Variants in IL1RAPL1 observed in about 807,000 individuals in gnomAD.
IL1RAPL1 encodes the protein interleukin 1 receptor accessory protein like 1, also known as interleukin-1 receptor accessory protein-like 1.
Under a neutral mutation model 48.4 loss-of-function variants are expected in IL1RAPL1, and 3 were observed. The ratio of observed to expected loss-of-function variants is 0.06; its 90% CI spans 0.03 to 0.16. The LOEUF is 0.16. Among genes scored for constraint, IL1RAPL1 ranks in the 10% least tolerant of loss-of-function variants. The probability of loss-of-function intolerance (pLI) is 1.00; values close to 1 mark genes in which losing one functional copy is unlikely to be tolerated. For synonymous variants in IL1RAPL1, 185 were observed against 187.7 expected, an observed-to-expected ratio of 0.99 and a Z score of 0.12; for missense variants, 349 against 530.6, an observed-to-expected ratio of 0.66 and a Z score of 3.36.
chrX:28,699,697 G>C (rs1172355911), intron 1 of IL1RAPL1, among the ~76,000 whole-genome samples: 1 of 111,744 alleles, frequency 8.9e-6, no homozygotes. Context: ...AGAAGGGCTT[G>C]AGTAGTCTTG....
intron 5 of IL1RAPL1, among the ~76,000 whole-genome samples, chrX:29,518,282 C>T (rs138974727): frequency 9.0e-5 from 10 of 110,879 alleles, no homozygotes; most frequent in South Asian, 3.8e-4. Context: ...TTTTAATGTG[C>T]ATGTGAGTCA....
rs1170059613 is a variant in IL1RAPL1 at position 29,803,660 on chromosome X, T to C, written c.779-113804T>C. Among the ~76,000 whole-genome samples the C allele has an allele frequency of 1.9e-4, 20 of 105,208 alleles. 1 individual carries two copies. Among genetic ancestry groups the C allele is most frequent in the Non-Finnish European group, 3.3e-4 (17 of 51,173 alleles). 91.4% of individuals were successfully genotyped at this position (105,208 alleles called of 115,157 possible). On this transcript the variant is annotated intron_variant, in intron 6 of 10. Transcript: ENST00000378993. ...ATATATATACACGCGTGTATATATA[T>C]ACACACACACAATTTATGTGCATGA... is the stretch of plus-strand genomic sequence containing the variant.
chrX:28,886,619 G>A (rs952687739), intron 2 of IL1RAPL1, among the ~76,000 whole-genome samples: 2 of 110,604 alleles, frequency 1.8e-5, no homozygotes, highest in Non-Finnish European at 3.8e-5. Context: ...CTTAGTTTAC[G>A]AATGTTTATG....
In IL1RAPL1 at chrX:29,188,872, C is replaced by G. The variant is rs1930303428; in HGVS notation, c.83-94066C>G. Among the ~76,000 whole-genome samples the G allele has an allele frequency of 2.7e-5, 3 of 111,230 alleles. No homozygotes were observed. The South Asian group carries it at 1.1e-3, about 42-fold the overall frequency. On this transcript the variant is annotated intron_variant, in intron 2 of 10. Transcript: ENST00000378993. ...TGCTGGGATTACAGGTGTGAGCCAC[C>G]ACGCCCGCCCACTATTTTAATCAGT... is the stretch of plus-strand genomic sequence containing the variant.
At chrX:29,573,691 C>G (rs1922670672) in intron 5 of IL1RAPL1, among the ~76,000 whole-genome samples, 1 of 112,137 alleles carries the variant, frequency 8.9e-6, no homozygotes, top group Non-Finnish European at 1.9e-5. Context: ...CAGTGAGAGC[C>G]CTTTAGGTAG....
intron 2 of IL1RAPL1, among the ~76,000 whole-genome samples, chrX:28,859,187 C>T (rs188580220): frequency 9.8e-5 from 11 of 111,961 alleles, no homozygotes; most frequent in Middle Eastern, 4.6e-3. Context: ...TATTTTTAAA[C>T]GTACAGTAAA....
chrX:28,741,016 G>A (rs754414600), intron 1 of IL1RAPL1, among the ~76,000 whole-genome samples: 5 of 111,908 alleles, frequency 4.5e-5, no homozygotes, highest in South Asian at 7.4e-4. Flanking sequence ...ACTACATACC[G>A]TCGTTTGATT....
At chrX:28,925,320 G>A (rs1439203360) in intron 2 of IL1RAPL1, among the ~76,000 whole-genome samples, 2 of 111,465 alleles carry the variant, frequency 1.8e-5, no homozygotes, top group African/African-American at 3.3e-5. Context: ...ATGTATTTTA[G>A]TTTGAAGAAC....
chrX:28,897,025 T>C (rs1922938011), intron 2 of IL1RAPL1, among the ~76,000 whole-genome samples: 1 of 109,927 alleles, frequency 9.1e-6, no homozygotes, highest in African/African-American at 3.3e-5. Flanking sequence ...TTAAGTCAGG[T>C]GTGAGTTGAA....
intron 6 of IL1RAPL1, among the ~76,000 whole-genome samples, chrX:29,678,371 T>G (rs1331560848): frequency 5.4e-5 from 5 of 93,430 alleles, no homozygotes; most frequent in Non-Finnish European, 1.1e-4. Context: ...TTTTTTTTTT[T>G]TTGAGAAGGA....
intron 2 of IL1RAPL1, among the ~76,000 whole-genome samples, chrX:28,930,942 AT>A (rs1179920245): frequency 8.0e-4 from 83 of 103,428 alleles, no homozygotes; most frequent in Non-Finnish European, 9.3e-4. Context: ...CGCCCAGCCG[AT>A]TTTTTTTTTT....
intron 2 of IL1RAPL1, among the ~76,000 whole-genome samples, chrX:28,993,255 C>T (rs761763515): frequency 3.9e-4 from 43 of 111,407 alleles, no homozygotes; most frequent in African/African-American, 1.4e-3. Flanking sequence ...AGCAGTGCAA[C>T]CAGTGGAATA....
At chrX:29,267,227 G>T (rs1416540591) in intron 2 of IL1RAPL1, among the ~76,000 whole-genome samples, 1 of 111,751 alleles carries the variant, frequency 8.9e-6, no homozygotes, top group Non-Finnish European at 1.9e-5. Flanking sequence ...TCCCTTGCAT[G>T]TCCCCATGAA....
intron 5 of IL1RAPL1, among the ~76,000 whole-genome samples, chrX:29,471,458 G>T (rs1011281410): frequency 4.5e-5 from 5 of 111,187 alleles, no homozygotes; most frequent in African/African-American, 1.6e-4. Flanking sequence ...TATCCTGGAA[G>T]ATTTAGGTGC....
chrX:28,869,479 T>C (rs1056492733), intron 2 of IL1RAPL1, among the ~76,000 whole-genome samples: 1 of 112,031 alleles, frequency 8.9e-6, no homozygotes, highest in African/African-American at 3.2e-5. Flanking sequence ...CCTTGATACA[T>C]TGGAATACTT....
chrX:29,047,059 A>G lies in IL1RAPL1; in HGVS notation c.83-235879A>G, dbSNP rs1014227301. On this transcript the variant is annotated intron_variant, in intron 2 of 10. Transcript: ENST00000378993. ...TGCAGTATAACCTCCATACACCCAC[A>G]TGGCTTGGGCCTCTTAGTTTTGCTT... is the stretch of plus-strand genomic sequence containing the variant. 7.1e-5 allele frequency among the ~76,000 whole-genome samples: 8 copies of G among 112,419 alleles called. No homozygotes were observed. In the East Asian group the frequency reaches 2.2e-3, roughly 31 times the overall value.
intron 1 of IL1RAPL1, among the ~76,000 whole-genome samples, chrX:28,766,379 T>TA (rs5901903): frequency 1.7e-4 from 18 of 105,462 alleles, no homozygotes; most frequent in Non-Finnish European, 2.2e-4. Context: ...ACACACTCTT[T>TA]AAAAAAAAAA....
At position 29,486,549 on chromosome X, in the gene IL1RAPL1, G is replaced by A. The variant is rs189580186; in HGVS notation, c.703+87241G>A. 3.2e-4 allele frequency among the ~76,000 whole-genome samples: 31 copies of A among 97,155 alleles called. 1 individual carries two copies. In the Admixed American group the frequency reaches 3.5e-3, roughly 11 times the overall value. The allele number at this position is 97,155 out of a possible 115,157, so 84.4% of individuals were successfully genotyped here. A position where few individuals can be genotyped will look rare whatever the true frequency, so the allele number is the denominator to read the frequency against. On this transcript the variant is annotated intron_variant, in intron 5 of 10. Transcript: ENST00000378993. ...AATTGTAACCTCTCTATTCCCATTG[G>A]ACTATTGTTGAGATGAACAAATGAG...
At chrX:29,677,144 C>G (rs748325734) in intron 6 of IL1RAPL1, among the ~76,000 whole-genome samples, 1 of 111,994 alleles carries the variant, frequency 8.9e-6, no homozygotes, top group East Asian at 2.8e-4. Context: ...CATAAATTTC[C>G]TCTCAAATTT....
Sources: allele counts gnomAD v4.1 joint callset (sites outside exome capture counted in the v4.1 genomes callset), GRCh38; gene constraint gnomAD v4.1.1; transcripts MANE v1.5; gene names NCBI Gene and HGNC (gene_info 2026-07-23, HGNC 2026-07-21).